The following CSMD1 variants were observed in gnomAD, a reference collection of about 807,000 sequenced individuals.
CSMD1 encodes the protein CUB and Sushi multiple domains 1.
In CSMD1, 213 loss-of-function variants were observed where a neutral mutation model predicts 417.5. The observed-to-expected ratio is 0.51, with a 90% CI of 0.46 to 0.57. The LOEUF (loss-of-function observed/expected upper bound fraction) is 0.57, where lower values mean the gene tolerates loss of function less well. Among genes scored for constraint, CSMD1 ranks in the 20% least tolerant of loss-of-function variants. CSMD1 has a pLI of 0.00. For missense variants in CSMD1, 6,923 were observed against 4,529.7 expected (o/e 1.53, Z -15.17); for synonymous variants, 2,862 against 1,736.8 (o/e 1.65, Z -16.11).
At chr8:4,451,733 A>T (rs1799158408) in intron 2 of CSMD1, among the ~76,000 whole-genome samples, 1 of 152,042 alleles carries the variant, frequency 6.6e-6, no homozygotes, top group Non-Finnish European at 1.5e-5. Flanking sequence ...AACAAATTAC[A>T]ACAACAAGGC....
intron 3 of CSMD1, among the ~76,000 whole-genome samples, chr8:4,166,095 G>A (rs1423091280): frequency 6.6e-6 from 1 of 152,158 alleles, no homozygotes; most frequent in Non-Finnish European, 1.5e-5. Context: ...CATTCTTAAT[G>A]ATGAGGTCAT....
At chr8:3,837,468 G>T (rs958077740) in intron 5 of CSMD1, among the ~76,000 whole-genome samples, 1 of 152,000 alleles carries the variant, frequency 6.6e-6, no homozygotes, top group Non-Finnish European at 1.5e-5. Flanking sequence ...TGTCCTCCTG[G>T]GACCTAATGC....
chr8:4,613,515 C>T (rs187009386), intron 2 of CSMD1, among the ~76,000 whole-genome samples: 97 of 152,304 alleles, frequency 6.4e-4, no homozygotes, highest in African/African-American at 2.2e-3. Flanking sequence ...GGCAGGCTCT[C>T]ATCAGAGACC....
At chr8:4,319,715 T>G (rs1799156027) in intron 3 of CSMD1, among the ~76,000 whole-genome samples, 1 of 151,882 alleles carries the variant, frequency 6.6e-6, no homozygotes, top group Non-Finnish European at 1.5e-5. Context: ...GTTCTTGGAT[T>G]AGAGGAAAAA....
At position 4,560,691 on chromosome 8, in the gene CSMD1, T is replaced by G. The variant is rs143967121; in HGVS notation, c.302+76651A>C. Among the ~76,000 whole-genome samples the G allele has an allele frequency of 1.1e-3, 161 of 152,304 alleles. 1 individual carries two copies. The highest frequency in any genetic ancestry group is 1.7e-3 in the Non-Finnish European group (117 of 68,024). On this transcript the variant is annotated intron_variant, in intron 2 of 69. Coordinates refer to ENST00000635120, the MANE Select transcript of CSMD1 (RefSeq NM_033225.6). Reference sequence around the variant, plus strand: ...ACCTTAACTCTTTACAAGCAAGATTTCATTTTTTGTTAGTCGACAACACTG... The same window carrying G: ...ACCTTAACTCTTTACAAGCAAGATTGCATTTTTTGTTAGTCGACAACACTG...
intron 5 of CSMD1, among the ~76,000 whole-genome samples, chr8:3,927,797 T>C (rs1044690196): frequency 1.3e-5 from 2 of 152,174 alleles, no homozygotes; most frequent in East Asian, 3.8e-4. Context: ...CTACCAAATA[T>C]TTTAGTTTTA....
intron 1 of CSMD1, among the ~76,000 whole-genome samples, chr8:4,755,145 T>C (rs926081045): frequency 2.0e-5 from 3 of 152,096 alleles, no homozygotes; most frequent in African/African-American, 7.2e-5. Context: ...AAATAAATAA[T>C]TAAATAAATA....
chr8:3,952,106 G>T (rs58032913), intron 5 of CSMD1, among the ~76,000 whole-genome samples: 7,070 of 152,182 alleles, frequency 0.046, 551 homozygotes, highest in African/African-American at 0.16. Context: ...ATTTCCGACA[G>T]AAAGAACAAA....
At chr8:3,326,705 G>T (rs757093532) in intron 23 of CSMD1, among the ~76,000 whole-genome samples, 5 of 152,122 alleles carry the variant, frequency 3.3e-5, no homozygotes, top group Non-Finnish European at 7.3e-5. Flanking sequence ...GTACTCTCAG[G>T]CAGCCTGTCT....
At chr8:4,684,932 T>C (rs989142075) in intron 1 of CSMD1, among the ~76,000 whole-genome samples, 3 of 152,338 alleles carry the variant, frequency 2.0e-5, no homozygotes, top group Admixed American at 2.0e-4. Flanking sequence ...TCTTGCCTTT[T>C]ACATTTGCTC....
chr8:4,490,357 C>T (rs1801640083), intron 2 of CSMD1, among the ~76,000 whole-genome samples: 1 of 152,114 alleles, frequency 6.6e-6, no homozygotes, highest in Non-Finnish European at 1.5e-5. Flanking sequence ...CTTGTAAGTG[C>T]AACCATTGCT....
At chr8:3,927,146 T>C (rs1584979684) in intron 5 of CSMD1, among the ~76,000 whole-genome samples, 1 of 151,716 alleles carries the variant, frequency 6.6e-6, no homozygotes, top group South Asian at 2.1e-4. Flanking sequence ...AAATAAAAGA[T>C]AGGGTTGTCA....
chr8:4,455,982 A>G (rs1334310030), intron 2 of CSMD1, among the ~76,000 whole-genome samples: 1 of 135,504 alleles, frequency 7.4e-6, no homozygotes, highest in Non-Finnish European at 1.6e-5. Context: ...AGATATTAGA[A>G]GACAAACAAT....
chr8:4,708,038 G>C (rs1436724329), intron 1 of CSMD1, among the ~76,000 whole-genome samples: 4 of 151,962 alleles, frequency 2.6e-5, no homozygotes, highest in Non-Finnish European at 1.5e-5. Flanking sequence ...CAAACTCCTT[G>C]GCTCAAGTGA....
chr8:4,341,606 T>A (rs1258375590), intron 3 of CSMD1, among the ~76,000 whole-genome samples: 2 of 152,134 alleles, frequency 1.3e-5, no homozygotes, highest in African/African-American at 4.8e-5. Flanking sequence ...GTTTGTCCAG[T>A]GAAACTGTAA....
At chr8:4,688,745 C>T (rs1312342919) in intron 1 of CSMD1, among the ~76,000 whole-genome samples, 1 of 152,086 alleles carries the variant, frequency 6.6e-6, no homozygotes, top group Non-Finnish European at 1.5e-5. Context: ...TGCAGTGAGT[C>T]AATTACAGCA....
At chr8:3,513,188 T>G (rs960317242) in intron 10 of CSMD1, among the ~76,000 whole-genome samples, 5 of 152,046 alleles carry the variant, frequency 3.3e-5, no homozygotes, top group Admixed American at 6.5e-5. Context: ...CTGGCAAACT[T>G]TGGGAAAAAA....
chr8:3,600,286 G>A (rs955492308), intron 8 of CSMD1, among the ~76,000 whole-genome samples: 2 of 152,164 alleles, frequency 1.3e-5, no homozygotes, highest in Non-Finnish European at 2.9e-5. Flanking sequence ...ATAAAATTTA[G>A]AATTTGGTGC....
At chr8:4,280,766 G>T (rs933813493) in intron 3 of CSMD1, among the ~76,000 whole-genome samples, 3 of 151,972 alleles carry the variant, frequency 2.0e-5, no homozygotes, top group Non-Finnish European at 4.4e-5. Context: ...TTAAAAACAT[G>T]TTACTATATA....
Sources: gnomAD v4.1 joint callset for allele counts (sites outside exome capture counted in the v4.1 genomes callset) on GRCh38, gnomAD v4.1.1 for gene constraint, MANE v1.5 for transcripts, NCBI Gene and HGNC (gene_info 2026-07-23, HGNC 2026-07-21) for gene names.